CCDC50: variants seen among roughly 807,000 people sequenced by gnomAD.
CCDC50 encodes the protein coiled-coil domain containing 50.
A neutral mutation model predicts 70.2 loss-of-function variants in CCDC50; 54 were observed. That is an observed-to-expected ratio of 0.77 (90% confidence interval 0.62 to 0.96). The LOEUF is 0.96. CCDC50 is among the 50% of genes least tolerant of loss of function. CCDC50 has a pLI of 0.00. For synonymous variants in CCDC50, 216 were observed against 198.8 expected (o/e 1.09, Z -0.73); for missense variants, 558 against 578.7 (o/e 0.96, Z 0.37).
intron 1 of CCDC50, among the ~76,000 whole-genome samples, chr3:191,348,006 A>G (rs555433658): frequency 7.0e-6 from 1 of 142,646 alleles, no homozygotes; most frequent in Non-Finnish European, 1.6e-5. Context: ...CTTGCCTTTC[A>G]GGATCTAGAA....
In CCDC50 at chr3:191,358,033, C is replaced by T; in HGVS notation, c.148C>T (p.Arg50Cys). The T allele has an allele frequency of 5.0e-6, 8 of 1,613,954 alleles. No homozygotes were observed. The highest frequency in any genetic ancestry group is 2.2e-5 in the South Asian group (2 of 91,070). Residue 50 changes from arginine (R) to cysteine (C), a missense_variant, in exon 3 of 12, where the codon CGT (arginine) becomes TGT (cysteine). Coordinates refer to ENST00000392455, the MANE Select transcript of CCDC50 (RefSeq NM_178335.3). Reference protein sequence around the residue: ...HHLASNVQRNRLVQHDLQVAK... With the variant: ...HHLASNVQRNCLVQHDLQVAK... ...TTTGGCATCGAACGTTCAGCGGAAC[C>T]GTTTGGTCCAGCATGATCTCCAGGT...
At chr3:191,359,786 G>C (rs751137251) in intron 3 of CCDC50, among the ~76,000 whole-genome samples, 11 of 152,140 alleles carry the variant, frequency 7.2e-5, no homozygotes, top group Non-Finnish European at 1.5e-4. Flanking sequence ...TAAATTCATT[G>C]CCCTTTACAT....
chr3:191,364,270 T>C (rs1712600166), intron 4 of CCDC50, among the ~76,000 whole-genome samples: 1 of 152,056 alleles, frequency 6.6e-6, no homozygotes, highest in Non-Finnish European at 1.5e-5. Flanking sequence ...GGTTTCGTCA[T>C]GTTGGCTAGG....
chr3:191,340,191 G>A (rs1711673954), intron 1 of CCDC50, among the ~76,000 whole-genome samples: 1 of 152,288 alleles, frequency 6.6e-6, no homozygotes, highest in South Asian at 2.1e-4. Context: ...GATTTGGAAG[G>A]TGACTTGTCA....
chr3:191,330,711 C>A (rs1405240486), intron 1 of CCDC50, among the ~76,000 whole-genome samples: 1 of 152,172 alleles, frequency 6.6e-6, no homozygotes, highest in East Asian at 1.9e-4. Context: ...TTTTTGCTTT[C>A]TTGGAACCGC....
intron 6 of CCDC50, among the ~76,000 whole-genome samples, chr3:191,378,182 C>A (rs1378579338): frequency 6.6e-6 from 1 of 152,036 alleles, no homozygotes; most frequent in African/African-American, 2.4e-5. Context: ...TTTAAATAAA[C>A]CATTTCCCCT....
Position 191,375,422 on chromosome 3 carries a change from G to T in CCDC50, c.809G>T (p.Arg270Leu), listed in dbSNP as rs1467185839. Residue 270 changes from arginine (R) to leucine (L), a missense_variant, in exon 6 of 12, where the codon CGA (arginine) becomes CTA (leucine). Physicochemically the swap from Arg to Leu is moderately radical, Grantham distance 102 (BLOSUM62 -2). Transcript: ENST00000392455. ...ACTCGAAATTGGGAAAAACAGTCTC[G>T]ACACCAAGATCGACTTTCACCCAAG... ...HQTRNWEKQSRHQDRLSPKSS... is the reference protein window; with the variant it reads ...HQTRNWEKQSLHQDRLSPKSS... The T allele has an allele frequency of 6.2e-7, 1 of 1,613,746 alleles. No homozygotes were observed. The highest frequency in any genetic ancestry group is 2.2e-5 in the East Asian group (1 of 44,858).
intron 1 of CCDC50, among the ~76,000 whole-genome samples, chr3:191,354,377 T>C (rs1302579622): frequency 6.6e-6 from 1 of 152,086 alleles, no homozygotes; most frequent in African/African-American, 2.4e-5. Flanking sequence ...ACCATAGGTA[T>C]ATCTATCTAC....
intron 1 of CCDC50, among the ~76,000 whole-genome samples, chr3:191,334,882 T>C (rs1231460711): frequency 2.6e-5 from 4 of 152,164 alleles, no homozygotes; most frequent in African/African-American, 9.7e-5. Flanking sequence ...AACATACAAT[T>C]TTTTACAACT....
chr3:191,358,094 A>G lies in CCDC50; in HGVS notation c.209A>G (p.Gln70Arg). ...KQLQEEDLKA[Q>R]AQLQKRYKDL... ...CTCCAAGAGGAAGATCTGAAAGCGC[A>G]GGCCCAGCTCCAGAAGCGCTACAAA... The change falls in exon 3 of 12, where the codon CAG (glutamine) becomes CGG (arginine). Residue 70 changes from glutamine to arginine, a missense_variant. Gln to Arg is a conservative substitution (Grantham distance 43). Transcript: ENST00000392455. The G allele has an allele frequency of 1.9e-6, 3 of 1,613,962 alleles. No homozygotes were observed. The highest frequency in any genetic ancestry group is 8.5e-7 in the Non-Finnish European group (1 of 1,179,894).
chr3:191,350,171 G>A lies in CCDC50; in HGVS notation c.50-6917G>A, dbSNP rs550060783. On this transcript the variant is annotated intron_variant, in intron 1 of 11. Transcript: ENST00000392455. ...CCTCAGATGGTTAGGAGGAATAAAT[G>A]TGAAAGTGCATTGTAATTTATGAAG... is the stretch of plus-strand genomic sequence containing the variant. Among the ~76,000 whole-genome samples, 23 of 141,410 alleles carry A rather than the reference G, an allele frequency of 1.6e-4. 4 individuals carry two copies. The highest frequency in any genetic ancestry group is 3.7e-4 in the Non-Finnish European group (23 of 62,772). The allele number at this position is 141,410 out of a possible 152,430, so 92.8% of individuals were successfully genotyped here.
intron 11 of CCDC50, among the ~76,000 whole-genome samples, chr3:191,390,324 AG>A (rs1166858913): frequency 6.6e-6 from 1 of 152,186 alleles, no homozygotes; most frequent in East Asian, 1.9e-4. Context: ...CAAAGCATAA[AG>A]AAAAAATAGG....
At chr3:191,332,607 A>G (rs978412025) in intron 1 of CCDC50, among the ~76,000 whole-genome samples, 1 of 152,252 alleles carries the variant, frequency 6.6e-6, no homozygotes, top group South Asian at 2.1e-4. Context: ...CAATTTGCGA[A>G]TGTTAGGGAA....
In CCDC50 at chr3:191,357,913, T is replaced by C. The variant is rs1030045289; in HGVS notation, c.113-85T>C. The C allele has an allele frequency of 8.4e-6, 13 of 1,550,068 alleles. No individual in the cohort carries two copies. The East Asian group carries it at 9.0e-5, about 11-fold the overall frequency. On this transcript the variant is annotated intron_variant, in intron 2 of 11. Coordinates refer to ENST00000392455, the MANE Select transcript of CCDC50 (RefSeq NM_178335.3). ...AGTGATGGATGCAAAGCTGTTGTTATGGTAAAGCTCTTAAGATTATTATGG... is the reference window on the plus strand; with the variant it reads ...AGTGATGGATGCAAAGCTGTTGTTACGGTAAAGCTCTTAAGATTATTATGG...
chr3:191,378,772 C>T (rs1244299698), intron 6 of CCDC50, among the ~76,000 whole-genome samples: 2 of 151,304 alleles, frequency 1.3e-5, no homozygotes, highest in Non-Finnish European at 2.9e-5. Flanking sequence ...CTGTCCCAAA[C>T]CACTTAGAAA....
At chr3:191,335,373 C>T (rs1711503128) in intron 1 of CCDC50, among the ~76,000 whole-genome samples, 1 of 152,096 alleles carries the variant, frequency 6.6e-6, no homozygotes, top group African/African-American at 2.4e-5. Flanking sequence ...ACTGGTGACT[C>T]GTTTAAAGGT....
In CCDC50 at chr3:191,369,951, A is replaced by T. The variant is rs35380043; in HGVS notation, c.363A>T (p.Leu121Phe). ...CTCGCCTTTTGCAAGAAAAGGAGTT[A>T]CAGGAAGAGAAAAAGAGAAAGAAAC... ...DIARLLQEKELQEEKKRKKHF... is the reference protein window; with the variant it reads ...DIARLLQEKEFQEEKKRKKHF... Residue 121 changes from leucine (L) to phenylalanine (F), a missense_variant, in exon 5 of 12, where the codon TTA becomes TTT. Physicochemically the swap from Leu to Phe is conservative, Grantham distance 22. Coordinates refer to ENST00000392455, the MANE Select transcript of CCDC50 (RefSeq NM_178335.3). The T allele has an allele frequency of 0.042, 68,291 of 1,612,876 alleles. 1,634 individuals carry two copies. The highest frequency in any genetic ancestry group is 0.052 in the Middle Eastern group (317 of 6,058).
chr3:191,375,832 T>C (rs1285144918), intron 6 of CCDC50, among the ~76,000 whole-genome samples: 2 of 152,156 alleles, frequency 1.3e-5, no homozygotes, highest in Non-Finnish European at 1.5e-5. Context: ...AGTTATTCCA[T>C]GCCCAGGTTG....
intron 3 of CCDC50, among the ~76,000 whole-genome samples, chr3:191,360,416 A>G (rs542270378): frequency 6.6e-5 from 10 of 152,320 alleles, no homozygotes; most frequent in African/African-American, 2.4e-4. Flanking sequence ...ATCACATCCA[A>G]TGTAGTTATT....
Sources: gnomAD v4.1 joint callset for allele counts (sites outside exome capture counted in the v4.1 genomes callset) on GRCh38, gnomAD v4.1.1 for gene constraint, MANE v1.5 for transcripts, NCBI Gene and HGNC (gene_info 2026-07-23, HGNC 2026-07-21) for gene names.